FGF11: variants seen among roughly 807,000 people sequenced by gnomAD.
FGF11 encodes fibroblast growth factor 11.
In FGF11, 25 loss-of-function variants were observed where a neutral mutation model predicts 25.1. That is an observed-to-expected ratio of 1.00 (90% CI 0.73 to 1.39). The LOEUF (loss-of-function observed/expected upper bound fraction) is 1.39, where lower values mean the gene tolerates loss of function less well. Among genes scored for constraint, FGF11 ranks in the 40% most tolerant of loss-of-function variants. The probability of loss-of-function intolerance (pLI) is 0.00; values close to 1 mark genes in which losing one functional copy is unlikely to be tolerated. For missense variants in FGF11, 320 were observed against 311.0 expected (o/e 1.03, Z -0.22); for synonymous variants, 130 against 128.9 (o/e 1.01, Z -0.06).
At chr17:7,441,618 A>T in intron 2 of FGF11, 37 bp downstream of exon 2, 6 of 1,612,944 alleles carry the variant, frequency 3.7e-6, no homozygotes, top group Admixed American at 1.7e-5. Context: ...GGGAAGGGGG[A>T]GAATGGGGAC....
rs1042778856 is a variant in FGF11, at chr17:7,443,493, C to T, written c.*347C>T. 1 of 244,860 alleles carries T rather than the reference C, an allele frequency of 4.1e-6. No individual in the cohort carries two copies. Among genetic ancestry groups the T allele is most frequent in the Non-Finnish European group, 7.9e-6 (1 of 126,552 alleles). The allele number at this position is 244,860 out of a possible 1,614,324, so 15.2% of individuals were successfully genotyped here. A position where few individuals can be genotyped will look rare whatever the true frequency, so the allele number is the denominator to read the frequency against. ...AGGGCATAAACACTTCCCACCCCGG[C>T]TCAGCCAGTTCCTGGAGTCCTGTGC... On this transcript the variant is annotated 3_prime_UTR_variant, in exon 5 of 5. Transcript: ENST00000293829.
chr17:7,441,610 G>C, intron 2 of FGF11, 29 bp downstream of exon 2: 1 of 1,613,850 alleles, frequency 6.2e-7, no homozygotes, highest in Non-Finnish European at 8.5e-7. Flanking sequence ...TGCAGGGTGG[G>C]AAGGGGGAGA....
Position 7,441,525 on chromosome 17 carries a change from T to C in FGF11, c.248T>C (p.Leu83Pro). Residue 83 changes from leucine to proline, a missense_variant, in exon 2 of 5, where the codon CTC becomes CCC. Coordinates refer to ENST00000293829, the MANE Select transcript of FGF11 (RefSeq NM_004112.4). ...TKLFCRQGFY[L>P]QANPDGSIQG... ...CTGTTCTGCCGCCAGGGTTTCTACC[T>C]CCAGGCGAATCCCGACGGAAGCATC... The C allele has an allele frequency of 6.2e-6, 10 of 1,614,122 alleles. No homozygotes were observed. Among genetic ancestry groups the C allele is most frequent in the Non-Finnish European group, 8.5e-6 (10 of 1,180,014 alleles).
At chr17:7,439,433 T>G, upstream of FGF11, 2 of 431,562 alleles carry the variant, frequency 4.6e-6, no homozygotes, top group Non-Finnish European at 7.7e-6. Context: ...GGCCCACGGG[T>G]GGTAACTGGC....
chr17:7,439,300 T>G, upstream of FGF11: 8 of 258,682 alleles, frequency 3.1e-5, no homozygotes, highest in South Asian at 1.4e-4. Flanking sequence ...GGCTTTGGGA[T>G]AGGTGAAGTG....
chr17:7,440,522 G>A lies in FGF11; in HGVS notation c.193+709G>A. 3.0e-6 allele frequency: 1 copy of A among 331,180 alleles called. No individual in the cohort carries two copies. Among genetic ancestry groups the A allele is most frequent in the Non-Finnish European group, 4.3e-6 (1 of 232,046 alleles). 20.5% of individuals were successfully genotyped at this position (331,180 alleles called of 1,614,324 possible). On this transcript the variant is annotated intron_variant, in intron 1 of 4. Transcript: ENST00000293829. This position sits in a 1 kb window ranked among gnomAD's most constrained non-coding sequence, Gnocchi z 5.4. ...ACGGCTAGAGATGGGCGCCGACTCG[G>A]GGGTCGTACCACCTACAAGGGGGGA...
intron 3 of FGF11, chr17:7,442,144 T>G: frequency 5.0e-6 from 2 of 403,922 alleles, no homozygotes; most frequent in South Asian, 8.2e-5. Context: ...CTACTTCTTA[T>G]CCCACCTCCT....
At chr17:7,441,914 G>A (rs774405892) in intron 3 of FGF11, 35 bp downstream of exon 3, 1 of 1,456,608 alleles carries the variant, frequency 6.9e-7, no homozygotes, top group Non-Finnish European at 9.4e-7. Context: ...GGGAAATACT[G>A]GGGACTCCCC....
At position 7,442,739 on chromosome 17, in the gene FGF11, A is replaced by G. The variant is rs1174579152; in HGVS notation, c.554A>G (p.Asn185Ser). ...AAGGAGGGCCAGGTCATGAAGGGAA[A>G]CCGAGTTAAGAAGACCAAGGCAGCT... is the stretch of plus-strand genomic sequence containing the variant. ...LDKEGQVMKG[N>S]RVKKTKAAAH... Residue 185 changes from asparagine to serine, a missense_variant, in exon 4 of 5, where the codon AAC becomes AGC. Asn to Ser is a conservative substitution (Grantham distance 46). Coordinates refer to ENST00000293829, the MANE Select transcript of FGF11 (RefSeq NM_004112.4). The G allele has an allele frequency of 6.2e-7, 1 of 1,613,992 alleles. No individual in the cohort carries two copies. The highest frequency in any genetic ancestry group is 1.1e-5 in the South Asian group (1 of 91,064).
intron 2 of FGF11, 47 bp from the exon 3 acceptor site, chr17:7,441,729 T>G (rs368567119): frequency 9.1e-5 from 142 of 1,565,796 alleles, no homozygotes; most frequent in Non-Finnish European, 1.2e-4. Flanking sequence ...GGAGCTCAGG[T>G]GAGGGTCAGA....
chr17:7,441,806 G>T lies in FGF11; in HGVS notation c.335G>T (p.Arg112Leu). The change falls in exon 3 of 5, where the codon CGT becomes CTT. Residue 112 changes from arginine to leucine, a missense_variant. Coordinates refer to ENST00000293829, the MANE Select transcript of FGF11 (RefSeq NM_004112.4). ...TTCAACCTGATCCCTGTGGGCCTCC[G>T]TGTGGTCACCATCCAGAGCGCCAAG... ...THFNLIPVGL[R>L]VVTIQSAKLG... 2 of 1,612,072 alleles carry T rather than the reference G, an allele frequency of 1.2e-6. No individual in the cohort carries two copies. Among genetic ancestry groups the T allele is most frequent in the Non-Finnish European group, 8.5e-7 (1 of 1,178,974 alleles).
upstream of FGF11, chr17:7,439,257 T>G: frequency 1.0e-5 from 2 of 191,600 alleles, no homozygotes; most frequent in East Asian, 1.2e-4. Flanking sequence ...CCTGAAGATA[T>G]TTAAACCACG....
chr17:7,439,603 GTCTC>G lies in FGF11; in HGVS notation c.-17_-14del. On this transcript the variant is annotated 5_prime_UTR_variant, in exon 1 of 5. Coordinates refer to ENST00000293829, the MANE Select transcript of FGF11 (RefSeq NM_004112.4). The stretch of plus-strand genomic sequence containing the variant: ...TCCGGGCGCCTGCCGGTTTGGGGGT[GTCTC>G]CTCCCGGGGCGCTATGGCGGCGCTG... The G allele has an allele frequency of 2.1e-6, 3 of 1,402,838 alleles. No homozygotes were observed. The highest frequency in any genetic ancestry group is 2.8e-6 in the Non-Finnish European group (3 of 1,087,236). The allele number at this position is 1,402,838 out of a possible 1,614,324, so 86.9% of individuals were successfully genotyped here.
chr17:7,438,685 G>A (rs1839740980), upstream of FGF11, among the ~76,000 whole-genome samples: 1 of 152,142 alleles, frequency 6.6e-6, no homozygotes, highest in Non-Finnish European at 1.5e-5. Context: ...TCCTCTCTTG[G>A]GGGGCTGGTT....
At position 7,440,209 on chromosome 17, in the gene FGF11, T is replaced by C; in HGVS notation, c.193+396T>C. ...GGGTCACCCCAAGGATTTCTGCAGC[T>C]CCAGCCGCACGCCCCCCCCCAGCCC... On this transcript the variant is annotated intron_variant, in intron 1 of 4. Transcript: ENST00000293829. This position sits in a 1 kb window ranked among gnomAD's most constrained non-coding sequence, Gnocchi z 5.4. 1 of 160,880 alleles carries C rather than the reference T, an allele frequency of 6.2e-6. No homozygotes were observed. The highest frequency in any genetic ancestry group is 6.8e-5 in the Admixed American group (1 of 14,700). 10.0% of individuals were successfully genotyped at this position (160,880 alleles called of 1,614,324 possible).
chr17:7,438,750 G>T (rs1297486760), upstream of FGF11, among the ~76,000 whole-genome samples: 1 of 152,126 alleles, frequency 6.6e-6, no homozygotes, highest in Non-Finnish European at 1.5e-5. Flanking sequence ...AAAATTTAAG[G>T]GGCAGCCAGG....
intron 2 of FGF11, 67 bp downstream of exon 2, chr17:7,441,648 C>T (rs549463546): frequency 6.3e-7 from 1 of 1,598,424 alleles, no homozygotes; most frequent in African/African-American, 1.3e-5. Flanking sequence ...CAATCCTATT[C>T]CCTCTTCAGC....
Position 7,439,521 on chromosome 17 carries a change from C to T in FGF11, c.-100C>T. On this transcript the variant is annotated 5_prime_UTR_variant, in exon 1 of 5. Coordinates refer to ENST00000293829, the MANE Select transcript of FGF11 (RefSeq NM_004112.4). Reference sequence around the variant, plus strand: ...CTGTGGGTGGGGCAGCGAGTCGGGGCCTGAGCGTCAAGAGCATGCCCTAGT... The same window carrying T: ...CTGTGGGTGGGGCAGCGAGTCGGGGTCTGAGCGTCAAGAGCATGCCCTAGT... 2.0e-6 allele frequency: 2 copies of T among 993,832 alleles called. No homozygotes were observed. Among genetic ancestry groups the T allele is most frequent in the Non-Finnish European group, 2.7e-6 (2 of 727,794 alleles). 61.6% of individuals were successfully genotyped at this position (993,832 alleles called of 1,614,324 possible). A position where few individuals can be genotyped will look rare whatever the true frequency, so the allele number is the denominator to read the frequency against.
At position 7,444,072 on chromosome 17, in the gene FGF11, T is replaced by C. The variant is rs1908477051; in HGVS notation, c.*926T>C. 3 of 152,356 alleles carry C rather than the reference T, an allele frequency of 2.0e-5. No individual in the cohort carries two copies. The South Asian group carries it at 6.2e-4, about 32-fold the overall frequency. 9.4% of individuals were successfully genotyped at this position (152,356 alleles called of 1,614,324 possible). A position where few individuals can be genotyped will look rare whatever the true frequency, so the allele number is the denominator to read the frequency against. The stretch of plus-strand genomic sequence containing the variant: ...CAGCTATGATTCATAAAAACACTTC[T>C]GGATGAATCAAGAACCATTTCTTGT... On this transcript the variant is annotated 3_prime_UTR_variant, in exon 5 of 5. Transcript: ENST00000293829.
Sources: allele counts gnomAD v4.1 joint callset (sites outside exome capture counted in the v4.1 genomes callset), GRCh38; gene constraint gnomAD v4.1.1; non-coding constraint Gnocchi (gnomAD v3.1); transcripts MANE v1.5; gene names NCBI Gene and HGNC (gene_info 2026-07-23, HGNC 2026-07-21).